The following RNPEP variants were observed in gnomAD, a reference collection of about 807,000 sequenced individuals.
RNPEP encodes arginyl aminopeptidase.
A neutral mutation model predicts 70.1 loss-of-function variants in RNPEP; 57 were observed. That is an observed-to-expected ratio of 0.81 (90% confidence interval 0.66 to 1.01). The LOEUF (loss-of-function observed/expected upper bound fraction) is 1.01. Among genes scored for constraint, RNPEP ranks in the 50% least tolerant of loss-of-function variants. RNPEP has a pLI of 0.00. For missense variants in RNPEP, 787 were observed against 852.4 expected (o/e 0.92, Z 0.96); for synonymous variants, 335 against 357.4 (o/e 0.94, Z 0.71).
At position 201,996,316 on chromosome 1, in the gene RNPEP, C is replaced by T. The variant is rs934196090; in HGVS notation, c.854+53C>T. ...TCCTGTTAAACTGAGTCACTGGCTT[C>T]CATTCTTCCTCTTCGTGTGGCTTTT... On this transcript the variant is annotated intron_variant, in intron 4 of 10. Transcript: ENST00000295640. The T allele has an allele frequency of 1.8e-5, 22 of 1,245,354 alleles. No homozygotes were observed. The African/African-American group carries it at 2.4e-4, about 13-fold the overall frequency. The allele number at this position is 1,245,354 out of a possible 1,614,324, so 77.1% of individuals were successfully genotyped here.
chr1:202,001,789 C>T (rs779068602), intron 8 of RNPEP, 22 bp downstream of exon 8: 2 of 1,376,244 alleles, frequency 1.5e-6, no homozygotes, highest in Non-Finnish European at 1.0e-6. Context: ...AACTGGCCCA[C>T]AGGCTTCTAA....
At chr1:202,002,677 C>T (rs1442151577) in intron 8 of RNPEP, among the ~76,000 whole-genome samples, 1 of 152,204 alleles carries the variant, frequency 6.6e-6, no homozygotes, top group Non-Finnish European at 1.5e-5. Flanking sequence ...CATTTTAATG[C>T]GGGGACTCCG....
chr1:202,005,559 GGAA>G lies in RNPEP; in HGVS notation c.1798_1800del (p.Lys600del). ...CATGTGTATGTGTGTTTCTTGCAGG[GGAA>G]GCAGAAGTATACACTTCCGCTGTAC... On this transcript the variant is annotated inframe_deletion and splice_region_variant, in exon 11 of 11. Transcript: ENST00000295640. 1 of 1,613,998 alleles carries G rather than the reference GGAA, an allele frequency of 6.2e-7. No individual in the cohort carries two copies. Among genetic ancestry groups the G allele is most frequent in the Non-Finnish European group, 8.5e-7 (1 of 1,179,880 alleles).
rs200795347 is a variant in RNPEP, at chr1:201,984,821, CTTTTTTTTTTTTTTT to C, written c.447+1730_447+1744del. Among the ~76,000 whole-genome samples, 257 of 122,030 alleles carry C rather than the reference CTTTTTTTTTTTTTTT, an allele frequency of 2.1e-3. 13 individuals carry two copies. In the East Asian group the frequency reaches 0.023, roughly 11 times the overall value. The allele number at this position is 122,030 out of a possible 152,430, so 80.1% of individuals were successfully genotyped here. The stretch of plus-strand genomic sequence containing the variant: ...TTACTGCTAACTTTTGTATTTCTTT[CTTTTTTTTTTTTTTT>C]TTTTTTTTTTTTTTTTTTTTTGAGA... On this transcript the variant is annotated intron_variant, in intron 1 of 10. Transcript: ENST00000295640.
At position 201,989,540 on chromosome 1, in the gene RNPEP, C is replaced by T; in HGVS notation, c.737+9C>T. The stretch of plus-strand genomic sequence containing the variant: ...GCTGAAGTTGGACCCAGGTAGGAGA[C>T]AAAGACCCCACAGGCAAGGTTGGAT... On this transcript the variant is annotated intron_variant, in intron 3 of 10. Coordinates refer to ENST00000295640, the MANE Select transcript of RNPEP (RefSeq NM_020216.4). 6.2e-7 allele frequency: 1 copy of T among 1,613,938 alleles called. No homozygotes were observed. The highest frequency in any genetic ancestry group is 8.5e-7 in the Non-Finnish European group (1 of 1,179,958).
intron 3 of RNPEP, among the ~76,000 whole-genome samples, chr1:201,992,467 C>G (rs1414853355): frequency 1.3e-5 from 2 of 152,136 alleles, no homozygotes; most frequent in Non-Finnish European, 2.9e-5. Flanking sequence ...TTTTAAGGCC[C>G]TTGAGCCCCT....
Position 202,004,268 on chromosome 1 carries a change from T to C in RNPEP, c.1652-86T>C, listed in dbSNP as rs2102985513. On this transcript the variant is annotated intron_variant, in intron 9 of 10. Transcript: ENST00000295640. ...GTCTCACATTCCTGACCTCAAGTGA[T>C]CCGCCCACCTCAGCCTCCCAAAATT... The C allele has an allele frequency of 1.3e-5, 19 of 1,448,186 alleles. No homozygotes were observed. The South Asian group carries it at 2.3e-4, about 18-fold the overall frequency. The allele number at this position is 1,448,186 out of a possible 1,614,324, so 89.7% of individuals were successfully genotyped here. A position where few individuals can be genotyped will look rare whatever the true frequency, so the allele number is the denominator to read the frequency against.
At chr1:201,991,714 A>G (rs1683341523) in intron 3 of RNPEP, among the ~76,000 whole-genome samples, 1 of 152,184 alleles carries the variant, frequency 6.6e-6, no homozygotes, top group Non-Finnish European at 1.5e-5. Context: ...TACTACAGGT[A>G]GTGAGATTGC....
intron 1 of RNPEP, among the ~76,000 whole-genome samples, chr1:201,986,890 A>T (rs958546898): frequency 2.0e-5 from 3 of 152,116 alleles, no homozygotes; most frequent in African/African-American, 7.2e-5. Flanking sequence ...CACATGATTT[A>T]TGACTGTCAG....
intron 8 of RNPEP, among the ~76,000 whole-genome samples, chr1:202,002,865 C>T (rs1683885888): frequency 6.6e-6 from 1 of 152,134 alleles, no homozygotes; most frequent in East Asian, 1.9e-4. Context: ...CGTGGCCTCC[C>T]AGCTGGTTAA....
intron 8 of RNPEP, among the ~76,000 whole-genome samples, chr1:202,002,180 T>TG (rs58851733): frequency 2.6e-5 from 4 of 150,988 alleles, no homozygotes; most frequent in East Asian, 1.9e-4. Context: ...TTTTTTTTTT[T>TG]GAGATGGAGT....
rs566711222 is a variant in RNPEP at position 201,990,287 on chromosome 1, C to T, written c.737+756C>T. 3.3e-5 allele frequency among the ~76,000 whole-genome samples: 5 copies of T among 152,306 alleles called. 1 individual carries two copies. In the South Asian group the frequency reaches 8.3e-4, roughly 25 times the overall value. The stretch of plus-strand genomic sequence containing the variant: ...ATAACAACTTTGGTATCATTTCCCT[C>T]GAAGAGGGAAGTGGACTCTCCTTCC... On this transcript the variant is annotated intron_variant, in intron 3 of 10. Transcript: ENST00000295640.
In RNPEP at chr1:202,005,723, G is replaced by A. The variant is rs542158966; in HGVS notation, c.*7G>A. 8 of 1,613,962 alleles carry A rather than the reference G, an allele frequency of 5.0e-6. No homozygotes were observed. Among genetic ancestry groups the A allele is most frequent in the East Asian group, 2.2e-5 (1 of 44,884 alleles). On this transcript the variant is annotated 3_prime_UTR_variant, in exon 11 of 11. Transcript: ENST00000295640. ...GGCACCCAAGGGCAGTTAGAGGCTC[G>A]TGTGCATGGCCCCTGCCTCTTCAGG...
At chr1:201,999,875 C>T (rs966459180) in intron 5 of RNPEP, 27 bp from the exon 6 acceptor site, 11 of 1,584,906 alleles carry the variant, frequency 6.9e-6, no homozygotes, top group Admixed American at 3.4e-5. Context: ...GACGTTTTCC[C>T]GAGGCTTACG....
At chr1:201,997,291 T>G (rs762699061) in intron 4 of RNPEP, 28 bp from the exon 5 acceptor site, 17 of 1,594,702 alleles carry the variant, frequency 1.1e-5, no homozygotes, top group Non-Finnish European at 1.0e-5. Context: ...AGCCAGGGCC[T>G]CTTGGTGACC....
chr1:201,986,307 C>G (rs988097583), intron 1 of RNPEP, among the ~76,000 whole-genome samples: 1 of 151,986 alleles, frequency 6.6e-6, no homozygotes, highest in African/African-American at 2.4e-5. Context: ...GTTGCCCAGG[C>G]TGGTCTCAAA....
intron 10 of RNPEP, 49 bp from the exon 11 acceptor site, chr1:202,005,509 A>G (rs376658341): frequency 6.2e-7 from 1 of 1,603,400 alleles, no homozygotes; most frequent in African/African-American, 1.3e-5. Flanking sequence ...AGGGCTGGAC[A>G]GATCCACCAG....
In RNPEP at chr1:202,001,683, C is replaced by T. The variant is rs371505001; in HGVS notation, c.1342C>T (p.Arg448Ter). The change falls in exon 8 of 11, where the codon CGA becomes TGA. Residue 448 changes from arginine (R) to a stop codon, truncating the protein, a stop_gained. Transcript: ENST00000295640. LOFTEE classifies it high-confidence loss of function. ...LKAYVHEFKFRSILADDFLDF... is the reference protein window; with the variant it reads ...LKAYVHEFKF ...GGCCTATGTGCATGAATTCAAATTCCGAAGCATCTTAGCCGATGACTTTCT... is the reference window on the plus strand; with the variant it reads ...GGCCTATGTGCATGAATTCAAATTCTGAAGCATCTTAGCCGATGACTTTCT... The T allele has an allele frequency of 1.5e-5, 25 of 1,613,450 alleles. No individual in the cohort carries two copies. Among genetic ancestry groups the T allele is most frequent in the East Asian group, 2.2e-5 (1 of 44,886 alleles).
rs1682979865 is a variant in RNPEP at position 201,982,723 on chromosome 1, CGCGCAG to C, written c.60_65del (p.Gln21_Ala22del). 1.4e-6 allele frequency: 2 copies of C among 1,403,058 alleles called. No homozygotes were observed. Among genetic ancestry groups the C allele is most frequent in the East Asian group, 6.2e-5 (2 of 32,376 alleles). The allele number at this position is 1,403,058 out of a possible 1,614,324, so 86.9% of individuals were successfully genotyped here. ...GCGCGGCCCGGCGGCCGCTGCACTC[CGCGCAG>C]GCTGTGGACGTGGCCTCGGCCTCCA... is the stretch of plus-strand genomic sequence containing the variant. On this transcript the variant is annotated inframe_deletion, in exon 1 of 11. Transcript: ENST00000295640.
Sources: allele counts gnomAD v4.1 joint callset (sites outside exome capture counted in the v4.1 genomes callset), GRCh38; gene constraint gnomAD v4.1.1; transcripts MANE v1.5; gene names NCBI Gene and HGNC (gene_info 2026-07-23, HGNC 2026-07-21).